The following KIDINS220 variants were observed in gnomAD, a reference collection of about 807,000 sequenced individuals.
KIDINS220 encodes the protein kinase D-interacting substrate of 220 kDa.
A neutral mutation model predicts 157.6 loss-of-function variants in KIDINS220; 63 were observed. That is an observed-to-expected ratio of 0.40 (90% CI 0.33 to 0.49). The LOEUF (loss-of-function observed/expected upper bound fraction) is 0.49. Among genes scored for constraint, KIDINS220 ranks in the 20% least tolerant of loss-of-function variants. KIDINS220 has a pLI of 0.66. For synonymous variants in KIDINS220, 732 were observed against 783.6 expected (o/e 0.93, Z 1.10); for missense variants, 1,772 against 2,171.2 (o/e 0.82, Z 3.65).
At chr2:8,799,418 T>TC (rs1229741709) in intron 9 of KIDINS220, among the ~76,000 whole-genome samples, 4 of 151,920 alleles carry the variant, frequency 2.6e-5, no homozygotes, top group Non-Finnish European at 5.9e-5. Flanking sequence ...ATTACAGGCA[T>TC]CAGCAACCCG....
chr2:8,793,976 A>G lies in KIDINS220; in HGVS notation c.1110T>C (p.Thr370=). 1.9e-6 allele frequency: 3 copies of G among 1,604,002 alleles called. No homozygotes were observed. The highest frequency in any genetic ancestry group is 2.5e-6 in the Non-Finnish European group (3 of 1,176,724). ...TTCCACGAATAGCAATATGCAAGGGAGTATCTCCTTTCTGTAAAATAATAG... is the reference window on the plus strand; with the variant it reads ...TTCCACGAATAGCAATATGCAAGGGGGTATCTCCTTTCTGTAAAATAATAG... ...KVSAVDKKGD[T]PLHIAIRGRS... The change falls in exon 12 of 30, where the codon ACT becomes ACC. Residue 370 remains threonine, a synonymous_variant. Transcript: ENST00000256707.
intron 22 of KIDINS220, among the ~76,000 whole-genome samples, chr2:8,764,994 G>A (rs2148130077): frequency 6.6e-6 from 1 of 152,246 alleles, no homozygotes; most frequent in East Asian, 1.9e-4. Flanking sequence ...AGTACATAAA[G>A]GACTCATCTA....
At chr2:8,749,504 T>C in intron 24 of KIDINS220, 1 of 416,790 alleles carries the variant, frequency 2.4e-6, no homozygotes, top group Non-Finnish European at 4.7e-6. Flanking sequence ...TGAATACCAC[T>C]GATAATTAGT....
rs575803282 is a variant in KIDINS220 at position 8,776,412 on chromosome 2, T to A, written c.2848+336A>T. On this transcript the variant is annotated intron_variant, in intron 21 of 29. Transcript: ENST00000256707. ...ATATGAAAATTAAAAAAAAAGCATA[T>A]AACATCTGAATCTCAACATTTTAAA... 2.0e-5 allele frequency among the ~76,000 whole-genome samples: 3 copies of A among 152,204 alleles called. No individual in the cohort carries two copies. In the South Asian group the frequency reaches 6.2e-4, roughly 32 times the overall value.
chr2:8,800,291 G>GGTTT, intron 9 of KIDINS220, 109 bp downstream of exon 9: 1 of 625,182 alleles, frequency 1.6e-6, no homozygotes. Context: ...AATGTACTAG[G>GGTTT]GTTTACAAGT....
chr2:8,806,337 T>C lies in KIDINS220; in HGVS notation c.537A>G (p.Arg179=). The change falls in exon 7 of 30, where the codon CGA becomes CGG. Residue 179 remains arginine, a synonymous_variant. Transcript: ENST00000256707. ...GTTTCACACATTCCAAATGACCCTT[T>C]CGTGCAGCCCAAACTAAAGGGGTGG... ...YGTTPLVWAA[R]KGHLECVKHL... The C allele has an allele frequency of 6.2e-7, 1 of 1,610,610 alleles. No individual in the cohort carries two copies.
Position 8,750,397 on chromosome 2 carries a change from T to C in KIDINS220, c.3191-62A>G, listed in dbSNP as rs937278690. ...AACAGGACATTAGGAATCAGTCCAA[T>C]TATCACATTCTTCTTTAGTTACTAG... On this transcript the variant is annotated intron_variant, in intron 23 of 29. Transcript: ENST00000256707. 41 of 1,140,456 alleles carry C rather than the reference T, an allele frequency of 3.6e-5. No individual in the cohort carries two copies. In the African/African-American group the frequency reaches 6.1e-4, roughly 17 times the overall value. 70.6% of individuals were successfully genotyped at this position (1,140,456 alleles called of 1,614,324 possible).
At chr2:8,746,885 C>T (rs1317563225) in intron 26 of KIDINS220, 1 of 422,346 alleles carries the variant, frequency 2.4e-6, no homozygotes, top group Non-Finnish European at 4.2e-6. Context: ...AAAAGCCCTT[C>T]CTTATTGAAG....
intron 1 of KIDINS220, 80 bp from the exon 2 acceptor site, chr2:8,827,209 T>G: frequency 1.7e-6 from 1 of 576,510 alleles, no homozygotes; most frequent in Admixed American, 3.0e-5. Flanking sequence ...CTTCTTAACA[T>G]TAACCTCATG....
intron 24 of KIDINS220, among the ~76,000 whole-genome samples, chr2:8,749,174 A>G (rs1666972835): frequency 6.6e-6 from 1 of 152,168 alleles, no homozygotes; most frequent in South Asian, 2.1e-4. Flanking sequence ...TATGGCCACC[A>G]TTTTTCAAAA....
At chr2:8,739,583 G>GTGCAAAAATGATAAAAAAA (rs1665357137) in intron 26 of KIDINS220, among the ~76,000 whole-genome samples, 1 of 151,712 alleles carries the variant, frequency 6.6e-6, no homozygotes. Flanking sequence ...GATAAGGAAA[G>GTGCAAAAATGATAAAAAAA]GGCAAAAAGC....
chr2:8,784,186 A>G (rs1402887864), intron 17 of KIDINS220, among the ~76,000 whole-genome samples: 1 of 150,058 alleles, frequency 6.7e-6, no homozygotes, highest in Non-Finnish European at 1.5e-5. Context: ...GAACAACTGG[A>G]AACAAAAAAA....
At chr2:8,754,034 G>A (rs1327985050) in intron 22 of KIDINS220, among the ~76,000 whole-genome samples, 1 of 152,220 alleles carries the variant, frequency 6.6e-6, no homozygotes, top group Non-Finnish European at 1.5e-5. Flanking sequence ...GAGAATGGTT[G>A]CAAGTGGTGA....
chr2:8,771,019 G>T (rs1670145612), intron 21 of KIDINS220, among the ~76,000 whole-genome samples, 187 bp from the exon 22 acceptor site: 1 of 152,040 alleles, frequency 6.6e-6, no homozygotes, highest in Non-Finnish European at 1.5e-5. Context: ...AGCTTTTAGG[G>T]CTTAAACACA....
rs374089195 is a variant in KIDINS220 at position 8,788,628 on chromosome 2, G to T, written c.1787+19C>A. 2.5e-5 allele frequency: 40 copies of T among 1,599,076 alleles called. No homozygotes were observed. Among genetic ancestry groups the T allele is most frequent in the Non-Finnish European group, 3.2e-5 (38 of 1,174,468 alleles). ...CTGAATCTCATTGAAGATTTCTTCT[G>T]TCAAATGGTACAACTCACCTCACAG... is the stretch of plus-strand genomic sequence containing the variant. On this transcript the variant is annotated intron_variant, in intron 15 of 29. Coordinates refer to ENST00000256707, the MANE Select transcript of KIDINS220 (RefSeq NM_020738.4).
intron 21 of KIDINS220, among the ~76,000 whole-genome samples, chr2:8,773,523 A>T (rs1670517845): frequency 6.7e-6 from 1 of 149,890 alleles, no homozygotes; most frequent in African/African-American, 2.5e-5. Flanking sequence ...CTCAGGCTGG[A>T]GCGCAGTGGC....
chr2:8,750,628 T>G (rs1401133899), intron 23 of KIDINS220, among the ~76,000 whole-genome samples: 1 of 152,234 alleles, frequency 6.6e-6, no homozygotes, highest in Non-Finnish European at 1.5e-5. Context: ...TTAAAGGATT[T>G]AAGATATTCT....
chr2:8,778,097 C>T (rs1370648626), intron 20 of KIDINS220, among the ~76,000 whole-genome samples: 2 of 152,194 alleles, frequency 1.3e-5, no homozygotes, highest in Non-Finnish European at 2.9e-5. Flanking sequence ...CAGACATATA[C>T]ACAGCACATG....
In KIDINS220 at chr2:8,744,380, AAAAAAAAAATATATATATATAATATATAT is replaced by A. The variant is rs1229531737; in HGVS notation, c.3585+2736_3585+2764del. On this transcript the variant is annotated intron_variant, in intron 26 of 29. Transcript: ENST00000256707. The stretch of plus-strand genomic sequence containing the variant: ...CCTCATGGCAAAAAAAAAAAAAAAA[AAAAAAAAAATATATATATATAATATATAT>A]ATATATATATATATATATATATATA... 3.7e-3 allele frequency among the ~76,000 whole-genome samples: 116 copies of A among 31,270 alleles called. 4 individuals are homozygous for A. The highest frequency in any genetic ancestry group is 9.3e-3 in the East Asian group (7 of 754). 20.5% of individuals were successfully genotyped at this position (31,270 alleles called of 152,430 possible). A position where few individuals can be genotyped will look rare whatever the true frequency, so the allele number is the denominator to read the frequency against.
Sources: allele counts gnomAD v4.1 joint callset (sites outside exome capture counted in the v4.1 genomes callset), GRCh38; gene constraint gnomAD v4.1.1; transcripts MANE v1.5; gene names NCBI Gene and HGNC (gene_info 2026-07-23, HGNC 2026-07-21).